Variants in UNC5C observed in about 807,000 individuals in gnomAD.
UNC5C encodes the protein netrin receptor UNC5C.
A neutral mutation model predicts 99.8 loss-of-function variants in UNC5C; 47 were observed. That is an observed-to-expected ratio of 0.47 (90% CI 0.37 to 0.60). The LOEUF is 0.60. Among genes scored for constraint, UNC5C ranks in the 20% least tolerant of loss-of-function variants. UNC5C has a pLI of 0.00. For synonymous variants in UNC5C, 487 were observed against 452.2 expected, an observed-to-expected ratio of 1.08 and a Z score of -0.98; for missense variants, 1,062 against 1,165.9, an observed-to-expected ratio of 0.91 and a Z score of 1.30.
chr4:95,312,876 C>G (rs1042728455), intron 2 of UNC5C, among the ~76,000 whole-genome samples: 9 of 152,166 alleles, frequency 5.9e-5, no homozygotes, highest in Non-Finnish European at 1.2e-4. Context: ...CACAGCCCTA[C>G]AGTCAACGTA....
chr4:95,183,483 A>G (rs1736700727), intron 13 of UNC5C, among the ~76,000 whole-genome samples: 1 of 152,228 alleles, frequency 6.6e-6, no homozygotes, highest in African/African-American at 2.4e-5. Context: ...GGAGAAAAGC[A>G]AAGAAAGTCT....
intron 4 of UNC5C, among the ~76,000 whole-genome samples, chr4:95,254,046 G>A (rs141289555): frequency 7.0e-4 from 106 of 152,294 alleles, no homozygotes; most frequent in Middle Eastern, 3.4e-3. Context: ...CAAATCCAAT[G>A]TGCCACTGGG....
At chr4:95,213,870 A>G (rs948236668) in intron 10 of UNC5C, among the ~76,000 whole-genome samples, 7 of 152,222 alleles carry the variant, frequency 4.6e-5, no homozygotes, top group Non-Finnish European at 7.3e-5. Flanking sequence ...ACCGTAATAC[A>G]TAGGCAGAGG....
intron 1 of UNC5C, among the ~76,000 whole-genome samples, chr4:95,415,364 C>A (rs960042154): frequency 5.3e-5 from 8 of 150,192 alleles, no homozygotes; most frequent in Admixed American, 2.6e-4. Flanking sequence ...AAAAAAAAAA[C>A]AAAACAAAAC....
chr4:95,450,536 T>C (rs982922026), intron 1 of UNC5C, among the ~76,000 whole-genome samples: 1 of 152,230 alleles, frequency 6.6e-6, no homozygotes, highest in African/African-American at 2.4e-5. Flanking sequence ...AAAGATCTAA[T>C]GGTTTTGAAC....
intron 2 of UNC5C, among the ~76,000 whole-genome samples, chr4:95,333,725 A>G (rs970583321): frequency 2.0e-5 from 3 of 149,948 alleles, no homozygotes; most frequent in African/African-American, 7.3e-5. Flanking sequence ...GTATAATAAT[A>G]AAAAAAGAAT....
chr4:95,465,982 CT>C (rs1240550545), intron 1 of UNC5C, among the ~76,000 whole-genome samples: 6 of 152,138 alleles, frequency 3.9e-5, no homozygotes, highest in Admixed American at 2.6e-4. Flanking sequence ...TAGCGACAAG[CT>C]AGTCAAGTAA....
In UNC5C at chr4:95,497,119, G is replaced by A. The variant is rs151323865; in HGVS notation, c.124+51615C>T. Among the ~76,000 whole-genome samples the A allele has an allele frequency of 1.9e-3, 291 of 151,944 alleles. 5 individuals carry two copies. In the East Asian group the frequency reaches 0.048, roughly 25 times the overall value. On this transcript the variant is annotated intron_variant, in intron 1 of 15. Transcript: ENST00000453304. Reference sequence around the variant, plus strand: ...GTTGGTTCCATATCTTTGCAATTGCGAATTGTGCTGCTATAAACATGCGTG... The same window carrying A: ...GTTGGTTCCATATCTTTGCAATTGCAAATTGTGCTGCTATAAACATGCGTG...
At chr4:95,213,846 G>T (rs920231495) in intron 10 of UNC5C, among the ~76,000 whole-genome samples, 1 of 152,186 alleles carries the variant, frequency 6.6e-6, no homozygotes, top group Non-Finnish European at 1.5e-5. Context: ...AATAGAAAGT[G>T]TATCCAAAAA....
intron 1 of UNC5C, among the ~76,000 whole-genome samples, chr4:95,468,590 C>T (rs548380322): frequency 3.3e-4 from 50 of 152,264 alleles, no homozygotes; most frequent in African/African-American, 1.1e-3. Context: ...TGATGGCTCT[C>T]AGGATTTTTT....
chr4:95,199,391 G>A (rs769866013), intron 12 of UNC5C, among the ~76,000 whole-genome samples: 2 of 152,080 alleles, frequency 1.3e-5, no homozygotes, highest in African/African-American at 2.4e-5. Context: ...TGGTATTTCT[G>A]CATTATTAAA....
At chr4:95,191,194 C>A (rs1245911894) in intron 12 of UNC5C, among the ~76,000 whole-genome samples, 1 of 152,092 alleles carries the variant, frequency 6.6e-6, no homozygotes, top group African/African-American at 2.4e-5. Context: ...CCCGAGTTTC[C>A]CACTCTGCAT....
intron 1 of UNC5C, among the ~76,000 whole-genome samples, chr4:95,488,998 A>C (rs17024060): frequency 0.02 from 3,052 of 151,226 alleles, 102 homozygotes; most frequent in African/African-American, 0.07. Flanking sequence ...GTTATGCACC[A>C]AGGGGATGAG....
intron 1 of UNC5C, among the ~76,000 whole-genome samples, chr4:95,452,938 C>A (rs1747318527): frequency 6.6e-6 from 1 of 152,114 alleles, no homozygotes; most frequent in South Asian, 2.1e-4. Flanking sequence ...GGGCAATCTG[C>A]CCATTAAAAG....
At chr4:95,301,890 ACTTT>A (rs1373697257) in intron 2 of UNC5C, 141 bp from the exon 3 acceptor site, 3 of 1,117,762 alleles carry the variant, frequency 2.7e-6, no homozygotes, top group Non-Finnish European at 3.7e-6. Context: ...ATCTCTTTTG[ACTTT>A]CTTCTCGTTC....
chr4:95,225,139 C>A (rs1200736599), intron 7 of UNC5C, among the ~76,000 whole-genome samples: 4 of 152,146 alleles, frequency 2.6e-5, no homozygotes, highest in African/African-American at 9.7e-5. Flanking sequence ...TCACTGCAAC[C>A]TCCGCCTCCC....
chr4:95,280,182 G>A (rs1242521567), intron 3 of UNC5C, among the ~76,000 whole-genome samples: 1 of 151,852 alleles, frequency 6.6e-6, no homozygotes, highest in Admixed American at 6.6e-5. Context: ...AAAGCACCTG[G>A]AAAAAAATGC....
chr4:95,232,514 A>C (rs1309424178), intron 7 of UNC5C, among the ~76,000 whole-genome samples: 1 of 152,134 alleles, frequency 6.6e-6, no homozygotes, highest in Non-Finnish European at 1.5e-5. Context: ...TTGAGCTTGC[A>C]GCCCTGGACC....
intron 1 of UNC5C, among the ~76,000 whole-genome samples, chr4:95,432,863 A>C (rs778506134): frequency 6.6e-6 from 1 of 152,130 alleles, no homozygotes; most frequent in African/African-American, 2.4e-5. Flanking sequence ...CATCAAGGAA[A>C]AGAGCAATCT....
Sources: gnomAD v4.1 joint callset for allele counts (sites outside exome capture counted in the v4.1 genomes callset) on GRCh38, gnomAD v4.1.1 for gene constraint, MANE v1.5 for transcripts, NCBI Gene and HGNC (gene_info 2026-07-23, HGNC 2026-07-21) for gene names.